The following LRRTM4 variants were observed in gnomAD, a reference collection of about 807,000 sequenced individuals.
LRRTM4 encodes the protein leucine-rich repeat transmembrane neuronal protein 4.
LRRTM4 carries 25 observed loss-of-function variants against 47.6 expected under a neutral mutation model. That is an observed-to-expected ratio of 0.53 (90% CI 0.38 to 0.73). LRRTM4 has a LOEUF of 0.73. Ranked by LOEUF, LRRTM4 falls within the 30% of genes least tolerant of loss-of-function variation. The pLI, the probability that LRRTM4 is intolerant of heterozygous loss-of-function variation, is 0.00. For missense variants in LRRTM4, 638 were observed against 713.4 expected, an observed-to-expected ratio of 0.89 and a Z score of 1.20; for synonymous variants, 311 against 269.5, an observed-to-expected ratio of 1.15 and a Z score of -1.51.
intron 3 of LRRTM4, among the ~76,000 whole-genome samples, chr2:77,084,618 C>G (rs950066733): frequency 6.6e-6 from 1 of 152,128 alleles, no homozygotes; most frequent in African/African-American, 2.4e-5. Flanking sequence ...GAGTATAGCT[C>G]TGTAGCTTGA....
intron 3 of LRRTM4, among the ~76,000 whole-genome samples, chr2:77,192,198 T>G (rs1305152379): frequency 1.3e-5 from 2 of 152,100 alleles, no homozygotes; most frequent in Non-Finnish European, 2.9e-5. Context: ...ACCTACATTT[T>G]TAATTCCATA....
In LRRTM4 at chr2:76,934,091, T is replaced by C. The variant is rs13416646; in HGVS notation, c.1552-185175A>G. ...CTCCAGCTCTCAAAGCAGGACTCTG[T>C]ATTAAATGGAAATAAAGAACCTTAC... On this transcript the variant is annotated intron_variant, in intron 3 of 3. Coordinates refer to ENST00000409884, the MANE Select transcript of LRRTM4 (RefSeq NM_001134745.3). Among the ~76,000 whole-genome samples, 648 of 152,282 alleles carry C rather than the reference T, an allele frequency of 4.3e-3. 1 individual carries two copies. The highest frequency in any genetic ancestry group is 0.015 in the African/African-American group (627 of 41,574).
intron 3 of LRRTM4, among the ~76,000 whole-genome samples, chr2:77,108,969 G>A (rs1671175895): frequency 6.6e-6 from 1 of 152,038 alleles, no homozygotes; most frequent in Admixed American, 6.6e-5. Flanking sequence ...TGTTAACATA[G>A]CAGACCAGAT....
intron 3 of LRRTM4, among the ~76,000 whole-genome samples, chr2:77,104,533 A>G (rs1263843898): frequency 6.6e-6 from 1 of 152,198 alleles, no homozygotes; most frequent in East Asian, 1.9e-4. Flanking sequence ...CCTCATACAA[A>G]ATAGCTACAA....
At chr2:77,449,574 A>G (rs1676177966) in intron 3 of LRRTM4, among the ~76,000 whole-genome samples, 1 of 152,068 alleles carries the variant, frequency 6.6e-6, no homozygotes, top group Non-Finnish European at 1.5e-5. Flanking sequence ...TCTTATTACT[A>G]AGGTTCAATC....
At chr2:77,411,913 CT>C (rs1674457451) in intron 3 of LRRTM4, among the ~76,000 whole-genome samples, 1 of 152,124 alleles carries the variant, frequency 6.6e-6, no homozygotes, top group Admixed American at 6.5e-5. Flanking sequence ...AACACTTGAA[CT>C]ACTGTCAGTG....
In LRRTM4 at chr2:77,136,019, C is replaced by T. The variant is rs184728465; in HGVS notation, c.1551+382299G>A. ...AAGGGTATTAAAAGGTTTAACATGG[C>T]GGCGGTTCCAAGATGGCCGAATAGG... On this transcript the variant is annotated intron_variant, in intron 3 of 3. Transcript: ENST00000409884. 9.5e-3 allele frequency among the ~76,000 whole-genome samples: 1,440 copies of T among 152,138 alleles called. 26 individuals are homozygous for T. The highest frequency in any genetic ancestry group is 0.032 in the African/African-American group (1,330 of 41,494).
intron 3 of LRRTM4, among the ~76,000 whole-genome samples, chr2:76,760,860 C>T (rs190544368): frequency 1.3e-5 from 2 of 152,296 alleles, no homozygotes; most frequent in East Asian, 1.9e-4. Flanking sequence ...CCTGCCACCC[C>T]GATTCAGAAG....
At chr2:76,842,399 A>C (rs775890067) in intron 3 of LRRTM4, among the ~76,000 whole-genome samples, 1 of 152,174 alleles carries the variant, frequency 6.6e-6, no homozygotes, top group African/African-American at 2.4e-5. Flanking sequence ...TTTAATAAAT[A>C]TGTATGTCAC....
At chr2:77,139,186 G>T (rs1379576657) in intron 3 of LRRTM4, among the ~76,000 whole-genome samples, 2 of 152,046 alleles carry the variant, frequency 1.3e-5, no homozygotes, top group East Asian at 3.9e-4. Flanking sequence ...GAGAATTTTA[G>T]ACCAATATCC....
At chr2:77,112,478 AATTTTATCTTTTAT>A (rs1249864124) in intron 3 of LRRTM4, among the ~76,000 whole-genome samples, 3 of 152,156 alleles carry the variant, frequency 2.0e-5, no homozygotes, top group African/African-American at 7.2e-5. Flanking sequence ...AAGTAAGAGT[AATTTTATCTTTTAT>A]ATTGCTTCTG....
At chr2:76,815,037 TGTGTGGGAGAGAGCTTCACTGTGC>T (rs1308689644) in intron 3 of LRRTM4, among the ~76,000 whole-genome samples, 6 of 152,056 alleles carry the variant, frequency 3.9e-5, no homozygotes. Context: ...AGCGGAGACG[TGTGTGGGAGAGAGCTTCACTGTGC>T]TTGTTCTAAA....
intron 3 of LRRTM4, among the ~76,000 whole-genome samples, chr2:77,254,900 GAA>G (rs58575359): frequency 1.4e-3 from 142 of 100,108 alleles, no homozygotes; most frequent in African/African-American, 3.6e-3. Flanking sequence ...AGGGCAAACA[GAA>G]AAAAAAAAAA....
intron 3 of LRRTM4, among the ~76,000 whole-genome samples, chr2:76,992,898 A>G (rs1677061183): frequency 6.6e-6 from 1 of 151,834 alleles, no homozygotes; most frequent in African/African-American, 2.4e-5. Context: ...AGTAACCAAA[A>G]CAGCATGGTA....
intron 3 of LRRTM4, among the ~76,000 whole-genome samples, chr2:77,134,335 A>C (rs1364422707): frequency 6.6e-6 from 1 of 152,158 alleles, no homozygotes; most frequent in Admixed American, 6.6e-5. Context: ...TTTTAGACTA[A>C]GACACATTGC....
At chr2:76,807,923 C>G (rs1311767564) in intron 3 of LRRTM4, among the ~76,000 whole-genome samples, 1 of 115,236 alleles carries the variant, frequency 8.7e-6, no homozygotes, top group Non-Finnish European at 2.0e-5. Context: ...TCTTTCCTTT[C>G]TTTCCTTTCC....
chr2:77,490,205 G>A (rs549028641), intron 3 of LRRTM4, among the ~76,000 whole-genome samples: 143 of 151,838 alleles, frequency 9.4e-4, no homozygotes, highest in African/African-American at 3.0e-3. Flanking sequence ...AGCCGAGACC[G>A]CACCACTGCA....
intron 3 of LRRTM4, among the ~76,000 whole-genome samples, chr2:77,077,476 T>G (rs1041290085): frequency 6.6e-6 from 1 of 152,144 alleles, no homozygotes; most frequent in African/African-American, 2.4e-5. Flanking sequence ...GTTGGGAAAT[T>G]TTGGTATGAA....
At chr2:77,031,137 GTTAT>G (rs1678640294) in intron 3 of LRRTM4, among the ~76,000 whole-genome samples, 1 of 151,860 alleles carries the variant, frequency 6.6e-6, no homozygotes, top group African/African-American at 2.4e-5. Flanking sequence ...TAATTTTTCT[GTTAT>G]TTATATAGCA....
Sources: allele counts gnomAD v4.1 joint callset (sites outside exome capture counted in the v4.1 genomes callset), GRCh38; gene constraint gnomAD v4.1.1; transcripts MANE v1.5; gene names NCBI Gene and HGNC (gene_info 2026-07-23, HGNC 2026-07-21).